The following PDE10A variants were observed in gnomAD, a reference collection of about 807,000 sequenced individuals.
PDE10A encodes cAMP and cAMP-inhibited cGMP 3',5'-cyclic phosphodiesterase 10A.
PDE10A carries 39 observed loss-of-function variants against 97.7 expected under a neutral mutation model. The observed-to-expected ratio is 0.40, with a 90% CI of 0.31 to 0.52. The LOEUF is 0.52. Among genes scored for constraint, PDE10A ranks in the 20% least tolerant of loss-of-function variants. The pLI is 0.56. For missense variants in PDE10A, 731 were observed against 1,047.8 expected (o/e 0.70, Z 4.17); for synonymous variants, 371 against 376.8 (o/e 0.98, Z 0.18).
chr6:165,370,922 AACTC>A, intron 18 of PDE10A, among the ~76,000 whole-genome samples: 1 of 145,708 alleles, frequency 6.9e-6, no homozygotes, highest in East Asian at 2.0e-4. Flanking sequence ...AGGGTTAAGA[AACTC>A]ACTCAAAACT....
At chr6:165,872,042 G>A (rs527262758) in intron 1 of PDE10A, among the ~76,000 whole-genome samples, 2 of 152,246 alleles carry the variant, frequency 1.3e-5, no homozygotes, top group South Asian at 4.2e-4. Context: ...TTCTCATCAG[G>A]GACTCGCTGT....
At chr6:165,690,058 G>A (rs1791229244) in intron 1 of PDE10A, among the ~76,000 whole-genome samples, 1 of 152,082 alleles carries the variant, frequency 6.6e-6, no homozygotes, top group Non-Finnish European at 1.5e-5. Context: ...AGAATATCGA[G>A]TGTCTTATTA....
intron 1 of PDE10A, among the ~76,000 whole-genome samples, chr6:165,887,294 T>TG (rs1161296462): frequency 6.6e-6 from 1 of 152,200 alleles, no homozygotes; most frequent in African/African-American, 2.4e-5. Context: ...TTGCCTTATC[T>TG]GTGTTTATAC....
chr6:165,543,535 G>A lies in PDE10A; in HGVS notation c.899C>T (p.Ser300Phe), dbSNP rs1014365704. The A allele has an allele frequency of 1.2e-6, 2 of 1,610,664 alleles. No homozygotes were observed. The highest frequency in any genetic ancestry group is 1.3e-5 in the African/African-American group (1 of 74,850). Residue 300 changes from serine (S) to phenylalanine (F), a missense_variant, in exon 2 of 22, where the codon TCT becomes TTT. Around this residue, in one of 8 missense-constraint regions of PDE10A, gnomAD observed 181 missense variants for 159.1 expected, o/e 1.14. Coordinates refer to ENST00000539869, the MANE Select transcript of PDE10A (RefSeq NM_001385079.1). ...LTDEKVKAYL[S>F]LHPQVLDEFV... is the part of the protein sequence containing the mutation. Reference sequence around the variant, plus strand: ...TTCATCTAATACCTGGGGGTGAAGAGAAAGATATGCCTTCACTTTTTCATC... The same window carrying A: ...TTCATCTAATACCTGGGGGTGAAGAAAAAGATATGCCTTCACTTTTTCATC...
chr6:165,653,940 C>T (rs1312430847), intron 1 of PDE10A, among the ~76,000 whole-genome samples: 1 of 152,122 alleles, frequency 6.6e-6, no homozygotes, highest in African/African-American at 2.4e-5. Flanking sequence ...TGACTTCTGG[C>T]TGCGCATCTT....
chr6:165,448,459 A>G (rs945339989), intron 5 of PDE10A, among the ~76,000 whole-genome samples: 29 of 152,288 alleles, frequency 1.9e-4, no homozygotes, highest in African/African-American at 5.8e-4. Context: ...AGCCTACTAC[A>G]GTAAGGCAGC....
At chr6:165,755,340 A>G (rs1793093770) in intron 1 of PDE10A, among the ~76,000 whole-genome samples, 1 of 152,142 alleles carries the variant, frequency 6.6e-6, no homozygotes, top group South Asian at 2.1e-4. Flanking sequence ...GCGCGTTTTC[A>G]GTGTTAAAGA....
At chr6:165,873,873 T>A (rs1465003548) in intron 1 of PDE10A, among the ~76,000 whole-genome samples, 1 of 152,220 alleles carries the variant, frequency 6.6e-6, no homozygotes, top group Non-Finnish European at 1.5e-5. Context: ...TTTTAAAAAA[T>A]TAATCATTTA....
chr6:165,826,384 TCATGTCCCTCGTGTCCC>T (rs1207796662), intron 1 of PDE10A, among the ~76,000 whole-genome samples: 9 of 129,280 alleles, frequency 7.0e-5, no homozygotes, highest in Admixed American at 6.5e-4. Context: ...CCCTCTGTCC[TCATGTCCCTCGTGTCCC>T]CATGTCCCTC....
intron 1 of PDE10A, among the ~76,000 whole-genome samples, chr6:165,643,080 T>C (rs1358946278): frequency 6.6e-6 from 1 of 152,214 alleles, no homozygotes; most frequent in Non-Finnish European, 1.5e-5. Flanking sequence ...GAAAAGGTTA[T>C]TTTATAATTT....
chr6:165,509,639 C>A (rs1324398778), intron 2 of PDE10A, among the ~76,000 whole-genome samples: 1 of 151,166 alleles, frequency 6.6e-6, no homozygotes, highest in Non-Finnish European at 1.5e-5. Context: ...ATAAGGATTG[C>A]ATTGAATCTG....
At chr6:165,747,801 G>C (rs1583030602) in intron 1 of PDE10A, among the ~76,000 whole-genome samples, 1 of 152,168 alleles carries the variant, frequency 6.6e-6, no homozygotes, top group African/African-American at 2.4e-5. Context: ...CAGACGGAGG[G>C]AAGGAGGAGG....
At chr6:165,921,371 A>G (rs890836039) in intron 1 of PDE10A, among the ~76,000 whole-genome samples, 4 of 152,240 alleles carry the variant, frequency 2.6e-5, no homozygotes, top group African/African-American at 4.8e-5. Flanking sequence ...ATAGGCAGGG[A>G]TATCAGGGAA....
intron 1 of PDE10A, among the ~76,000 whole-genome samples, chr6:165,696,727 A>T (rs1791452471): frequency 6.6e-6 from 1 of 152,266 alleles, no homozygotes; most frequent in African/African-American, 2.4e-5. Context: ...CAAATGTCAG[A>T]TTTAACATAT....
At chr6:165,346,436 CTGCCA>C (rs1397162295) in intron 18 of PDE10A, among the ~76,000 whole-genome samples, 1 of 152,170 alleles carries the variant, frequency 6.6e-6, no homozygotes, top group Non-Finnish European at 1.5e-5. Flanking sequence ...TTCTCCCCGA[CTGCCA>C]TGTATTAATT....
chr6:165,922,883 C>T (rs1023931834), intron 1 of PDE10A, among the ~76,000 whole-genome samples: 4 of 152,176 alleles, frequency 2.6e-5, no homozygotes, highest in Non-Finnish European at 2.9e-5. Flanking sequence ...AGCCACCTTC[C>T]GGGGGTTCAC....
intron 18 of PDE10A, among the ~76,000 whole-genome samples, chr6:165,351,071 A>ATTATTT (rs1782661992): frequency 6.6e-6 from 1 of 152,118 alleles, no homozygotes; most frequent in Non-Finnish European, 1.5e-5. Context: ...TTTAAAAAAA[A>ATTATTT]TTATTATTAA....
chr6:165,483,956 C>A (rs1348907024), intron 2 of PDE10A, among the ~76,000 whole-genome samples: 1 of 152,120 alleles, frequency 6.6e-6, no homozygotes, highest in Non-Finnish European at 1.5e-5. Flanking sequence ...GCTTTATGGG[C>A]AATTTAAAGT....
chr6:165,836,834 G>A (rs551981114), intron 1 of PDE10A, among the ~76,000 whole-genome samples: 92 of 152,256 alleles, frequency 6.0e-4, no homozygotes, highest in Middle Eastern at 3.4e-3. Context: ...TTAAGAAAAT[G>A]TGGCACATAT....
Sources: allele counts gnomAD v4.1 joint callset (sites outside exome capture counted in the v4.1 genomes callset), GRCh38; gene constraint gnomAD v4.1.1; regional missense constraint gnomAD v4.1.1; transcripts MANE v1.5; gene names NCBI Gene and HGNC (gene_info 2026-07-23, HGNC 2026-07-21).